Variants in DDX60L observed in about 807,000 individuals in gnomAD.
DDX60L encodes the protein probable ATP-dependent RNA helicase DDX60-like.
In DDX60L, 191 loss-of-function variants were observed where a neutral mutation model predicts 211.6. The observed-to-expected ratio is 0.90, with a 90% CI of 0.80 to 1.02. DDX60L has a LOEUF of 1.02. Among genes scored for constraint, DDX60L ranks in the 50% least tolerant of loss-of-function variants. DDX60L has a pLI of 0.00. For synonymous variants in DDX60L, 706 were observed against 694.1 expected, an observed-to-expected ratio of 1.02 and a Z score of -0.27; for missense variants, 2,007 against 1,984.1, an observed-to-expected ratio of 1.01 and a Z score of -0.22.
chr4:168,439,253 TA>T (rs1449633889), intron 10 of DDX60L, among the ~76,000 whole-genome samples: 1 of 152,154 alleles, frequency 6.6e-6, no homozygotes, highest in Non-Finnish European at 1.5e-5. Flanking sequence ...GATGTTGTTG[TA>T]AAGGTATTTG....
In DDX60L at chr4:168,423,716, G is replaced by A. The variant is rs1343615229; in HGVS notation, c.1989C>T (p.Leu663=). The change falls in exon 15 of 38, where the codon CTC becomes CTT. Residue 663 remains leucine (L), a synonymous_variant. Coordinates refer to ENST00000682922, the MANE Select transcript of DDX60L (RefSeq NM_001012967.3). The part of the protein sequence containing the change: ...AVQMMKRIHS[L]LERYPEILEA... ...CCAAAATTTCTGGGTATCTCTCCAG[G>A]AGTGAATGAATCCTTTTCATCATTT... 4 of 1,607,162 alleles carry A rather than the reference G, an allele frequency of 2.5e-6. No individual in the cohort carries two copies. The highest frequency in any genetic ancestry group is 1.7e-4 in the Middle Eastern group (1 of 5,974).
chr4:168,406,735 G>A, intron 22 of DDX60L, 29 bp from the exon 23 acceptor site: 1 of 1,393,458 alleles, frequency 7.2e-7, no homozygotes, highest in Non-Finnish European at 9.9e-7. Context: ...ATGGATGGAT[G>A]AAGAAATAAA....
intron 36 of DDX60L, among the ~76,000 whole-genome samples, chr4:168,364,392 T>C (rs1373581443): frequency 6.6e-6 from 1 of 152,116 alleles, no homozygotes; most frequent in Non-Finnish European, 1.5e-5. Context: ...CATCCAAATA[T>C]ATAAAGCAAT....
intron 14 of DDX60L, among the ~76,000 whole-genome samples, chr4:168,425,187 T>A (rs1366151457): frequency 6.6e-6 from 1 of 152,200 alleles, no homozygotes; most frequent in African/African-American, 2.4e-5. Context: ...CTATCTTTTT[T>A]AAGCCATTAT....
At chr4:168,405,255 G>A (rs556072894) in intron 24 of DDX60L, among the ~76,000 whole-genome samples, 54 of 152,174 alleles carry the variant, frequency 3.5e-4, no homozygotes, top group Admixed American at 7.2e-4. Context: ...TGATCCACTC[G>A]CCTCAGCTTC....
Position 168,472,836 on chromosome 4 carries a change from C to A in DDX60L, c.-110-27G>T. The A allele has an allele frequency of 5.6e-6, 5 of 892,448 alleles. No homozygotes were observed. In the South Asian group the frequency reaches 6.7e-5, roughly 12 times the overall value. 55.3% of individuals were successfully genotyped at this position (892,448 alleles called of 1,614,324 possible). On this transcript the variant is annotated intron_variant, in intron 1 of 37. Coordinates refer to ENST00000682922, the MANE Select transcript of DDX60L (RefSeq NM_001012967.3). ...TGTAATAAAAGAAAAAATAGAACTG[C>A]AGTTATTCCTAAAACAAAGAAATGG... is the stretch of plus-strand genomic sequence containing the variant.
chr4:168,411,779 T>C (rs76889049), intron 22 of DDX60L, among the ~76,000 whole-genome samples: 1 of 151,948 alleles, frequency 6.6e-6, no homozygotes, highest in East Asian at 1.9e-4. Flanking sequence ...AGGGAGTGAT[T>C]GCATCATCCC....
At chr4:168,440,188 G>A (rs2149990628) in intron 10 of DDX60L, among the ~76,000 whole-genome samples, 1 of 152,266 alleles carries the variant, frequency 6.6e-6, no homozygotes, top group Middle Eastern at 3.4e-3. Flanking sequence ...TGGTGTCTCT[G>A]CACTCCAGCC....
At chr4:168,455,183 C>CTT (rs569129372) in intron 7 of DDX60L, among the ~76,000 whole-genome samples, 3 of 149,156 alleles carry the variant, frequency 2.0e-5, no homozygotes, top group African/African-American at 7.4e-5. Context: ...TTTTCTTTTT[C>CTT]TTTTTTTTTC....
At position 168,390,510 on chromosome 4, in the gene DDX60L, G is replaced by T; in HGVS notation, c.3915+1030C>A. On this transcript the variant is annotated intron_variant, in intron 29 of 37. Coordinates refer to ENST00000682922, the MANE Select transcript of DDX60L (RefSeq NM_001012967.3). ...GTAAAATCACAGTCTTCATATTCCAGTCTAGGAGAGTTCACATGATCTAAA... is the reference window on the plus strand; with the variant it reads ...GTAAAATCACAGTCTTCATATTCCATTCTAGGAGAGTTCACATGATCTAAA... The T allele has an allele frequency of 2.8e-6, 4 of 1,423,204 alleles. No individual in the cohort carries two copies. In the South Asian group the frequency reaches 6.5e-5, roughly 23 times the overall value. 88.2% of individuals were successfully genotyped at this position (1,423,204 alleles called of 1,614,324 possible).
intron 33 of DDX60L, chr4:168,377,772 T>C (rs1313905492): frequency 6.6e-6 from 1 of 152,196 alleles, no homozygotes; most frequent in Non-Finnish European, 1.5e-5. Context: ...GAAACAAGCT[T>C]CTTCTACATT....
intron 34 of DDX60L, 107 bp downstream of exon 34, chr4:168,375,270 G>T: frequency 8.0e-7 from 1 of 1,242,998 alleles, no homozygotes; most frequent in Non-Finnish European, 1.1e-6. Flanking sequence ...CAGCTGCCCT[G>T]TAATAAGCTC....
At chr4:168,430,282 TG>T (rs1561056936) in intron 13 of DDX60L, among the ~76,000 whole-genome samples, 195 bp downstream of exon 13, 1 of 152,204 alleles carries the variant, frequency 6.6e-6, no homozygotes. Context: ...CCTGCAGAAC[TG>T]TGAGCCAATT....
intron 26 of DDX60L, among the ~76,000 whole-genome samples, chr4:168,397,301 A>G (rs1745972792): frequency 6.6e-6 from 1 of 152,240 alleles, no homozygotes; most frequent in Non-Finnish European, 1.5e-5. Flanking sequence ...GCCAGGCAAT[A>G]TGCTATTACT....
rs769733233 is a variant in DDX60L at position 168,448,692 on chromosome 4, C to G, written c.1084G>C (p.Asp362His). 3 of 1,600,088 alleles carry G rather than the reference C, an allele frequency of 1.9e-6. No individual in the cohort carries two copies. Among genetic ancestry groups the G allele is most frequent in the Non-Finnish European group, 1.7e-6 (2 of 1,169,104 alleles). ...LNLNHVSDLY[D>H]EQLLKNIAFY... The stretch of plus-strand genomic sequence containing the variant: ...GCTATATTCTTTAACAATTGCTCAT[C>G]ATACAAGTCAGAAACATGATTTAAA... The change falls in exon 9 of 38, where the codon GAT (aspartate) becomes CAT (histidine). Residue 362 changes from aspartate to histidine, a missense_variant. By Grantham distance (81) the Asp-to-His change is moderately conservative. Transcript: ENST00000682922.
intron 27 of DDX60L, chr4:168,395,606 T>C: frequency 5.9e-6 from 1 of 168,476 alleles, no homozygotes. Context: ...TCTCTGAAAT[T>C]GAAACTTTCA....
At chr4:168,370,129 T>C (rs1027614715) in intron 36 of DDX60L, among the ~76,000 whole-genome samples, 2 of 152,160 alleles carry the variant, frequency 1.3e-5, no homozygotes, top group African/African-American at 4.8e-5. Flanking sequence ...CCCATCCTTA[T>C]TGCCACACTA....
chr4:168,365,577 G>A (rs1579168533), intron 36 of DDX60L, among the ~76,000 whole-genome samples: 1 of 150,324 alleles, frequency 6.7e-6, no homozygotes. Flanking sequence ...TGGCTTCACT[G>A]CTGAATTCTA....
intron 3 of DDX60L, 70 bp downstream of exon 3, chr4:168,472,385 G>A: frequency 8.4e-7 from 1 of 1,194,332 alleles, no homozygotes; most frequent in Non-Finnish European, 1.2e-6. Flanking sequence ...ATGTATATGG[G>A]TTAAGAGGGA....
Sources: gnomAD v4.1 joint callset for allele counts (sites outside exome capture counted in the v4.1 genomes callset) on GRCh38, gnomAD v4.1.1 for gene constraint, MANE v1.5 for transcripts, NCBI Gene and HGNC (gene_info 2026-07-23, HGNC 2026-07-21) for gene names.